CERT1: variants seen among roughly 807,000 people sequenced by gnomAD.
CERT1 encodes ceramide transporter 1.
CERT1 carries 31 observed loss-of-function variants against 87.9 expected under a neutral mutation model. The observed-to-expected ratio is 0.35, with a 90% CI of 0.27 to 0.48. CERT1 has a LOEUF of 0.48. Ranked by LOEUF, CERT1 falls within the 20% of genes least tolerant of loss-of-function variation. The pLI is 0.99. For synonymous variants in CERT1, 289 were observed against 250.9 expected (o/e 1.15, Z -1.44); for missense variants, 487 against 758.0 (o/e 0.64, Z 4.20).
At chr5:75,375,863 A>C (rs1157128264), downstream of CERT1, 2 of 151,718 alleles carry the variant, frequency 1.3e-5, no homozygotes. Context: ...AAAAAAAAAA[A>C]AGTTACGTTA....
chr5:75,396,345 T>A (rs773204714), intron 11 of CERT1, among the ~76,000 whole-genome samples: 8 of 152,238 alleles, frequency 5.3e-5, no homozygotes, highest in Non-Finnish European at 1.2e-4. Context: ...CTTAGTTTTT[T>A]AATTAATTAT....
chr5:75,397,352 T>C (rs938882844), intron 11 of CERT1, among the ~76,000 whole-genome samples: 1 of 152,354 alleles, frequency 6.6e-6, no homozygotes, highest in African/African-American at 2.4e-5. Context: ...TCAAGTTACA[T>C]ACATGAGTTT....
At chr5:75,441,786 C>A (rs1210061991) in intron 3 of CERT1, among the ~76,000 whole-genome samples, 1 of 152,028 alleles carries the variant, frequency 6.6e-6, no homozygotes, top group African/African-American at 2.4e-5. Context: ...ATGGATATAC[C>A]ACATTTTGCT....
intron 8 of CERT1, among the ~76,000 whole-genome samples, chr5:75,409,684 G>A (rs1010790544): frequency 1.3e-5 from 2 of 151,876 alleles, no homozygotes; most frequent in South Asian, 2.1e-4. Context: ...TCACAACCAC[G>A]CCCGGCTAAT....
chr5:75,431,503 G>A (rs1490325734), intron 3 of CERT1, among the ~76,000 whole-genome samples: 1 of 152,166 alleles, frequency 6.6e-6, no homozygotes, highest in Non-Finnish European at 1.5e-5. Flanking sequence ...GCTCTGTCAT[G>A]GCAGGAACTG....
At chr5:75,405,369 G>C (rs937434958) in intron 8 of CERT1, among the ~76,000 whole-genome samples, 1 of 152,076 alleles carries the variant, frequency 6.6e-6, no homozygotes, top group African/African-American at 2.4e-5. Flanking sequence ...TTCCATACTT[G>C]CTCTACCCAC....
intron 2 of CERT1, among the ~76,000 whole-genome samples, chr5:75,468,688 C>T (rs1434682262): frequency 6.6e-6 from 1 of 152,138 alleles, no homozygotes; most frequent in Non-Finnish European, 1.5e-5. Flanking sequence ...ACAACAGATT[C>T]TAGTCTATTG....
At chr5:75,385,590 T>G (rs1391264289) in intron 13 of CERT1, among the ~76,000 whole-genome samples, 3 of 152,248 alleles carry the variant, frequency 2.0e-5, no homozygotes, top group Non-Finnish European at 4.4e-5. Context: ...TCTTGGCTTC[T>G]CCACCATATA....
chr5:75,384,531 C>A lies in CERT1; in HGVS notation c.1488+111G>T, dbSNP rs935417192. On this transcript the variant is annotated intron_variant, in intron 14 of 16. Transcript: ENST00000643780. ...TTCATGAATCATTATTTAATAAAGT[C>A]TTTGGATTTTTGTGGCTTTTAATAA... 117 of 658,890 alleles carry A rather than the reference C, an allele frequency of 1.8e-4. No homozygotes were observed. The African/African-American group carries it at 2.1e-3, about 12-fold the overall frequency. The allele number at this position is 658,890 out of a possible 1,614,324, so 40.8% of individuals were successfully genotyped here. A position where few individuals can be genotyped will look rare whatever the true frequency, so the allele number is the denominator to read the frequency against.
intron 11 of CERT1, among the ~76,000 whole-genome samples, chr5:75,395,905 C>T (rs1456577574): frequency 1.3e-5 from 2 of 151,244 alleles, no homozygotes; most frequent in Admixed American, 6.6e-5. Context: ...ACAACAACAA[C>T]AACAAAAACA....
chr5:75,376,649 G>A (rs1454145516), downstream of CERT1: 1 of 152,234 alleles, frequency 6.6e-6, no homozygotes, highest in Non-Finnish European at 1.5e-5. Flanking sequence ...CACACTGAAT[G>A]CAGTGCACTT....
At chr5:75,478,011 TAAG>T (rs1285493824) in intron 2 of CERT1, among the ~76,000 whole-genome samples, 2 of 151,910 alleles carry the variant, frequency 1.3e-5, no homozygotes, top group African/African-American at 4.8e-5. Flanking sequence ...AAACTAGAAA[TAAG>T]AAGATTAGAA....
At chr5:75,474,183 C>G (rs1765850414) in intron 2 of CERT1, among the ~76,000 whole-genome samples, 1 of 152,130 alleles carries the variant, frequency 6.6e-6, no homozygotes, top group African/African-American at 2.4e-5. Context: ...TCTCTCTGAC[C>G]ACCAGTGCAT....
chr5:75,493,883 T>C (rs1766929647), intron 2 of CERT1, among the ~76,000 whole-genome samples: 2 of 152,164 alleles, frequency 1.3e-5, no homozygotes, highest in Admixed American at 1.3e-4. Context: ...TTTCTAGAAA[T>C]GTCTATAATT....
intron 2 of CERT1, among the ~76,000 whole-genome samples, chr5:75,466,946 C>T (rs1215323079): frequency 6.6e-6 from 1 of 152,152 alleles, no homozygotes; most frequent in African/African-American, 2.4e-5. Flanking sequence ...TTTCTGGTTC[C>T]AGGTGATCCT....
At chr5:75,455,189 T>A (rs987175378) in intron 3 of CERT1, among the ~76,000 whole-genome samples, 26 of 152,334 alleles carry the variant, frequency 1.7e-4, no homozygotes, top group African/African-American at 6.0e-4. Context: ...TGACTGCACA[T>A]TGCACAACCA....
At chr5:75,418,963 C>G (rs1355281610) in intron 6 of CERT1, among the ~76,000 whole-genome samples, 2 of 152,128 alleles carry the variant, frequency 1.3e-5, no homozygotes. Context: ...TCAATTGTAT[C>G]TCAATAAAGC....
At chr5:75,394,234 C>A (rs917048315) in intron 11 of CERT1, among the ~76,000 whole-genome samples, 4 of 152,034 alleles carry the variant, frequency 2.6e-5, no homozygotes, top group Non-Finnish European at 5.9e-5. Flanking sequence ...TAAAACTTGG[C>A]TGAGGCCTGT....
intron 7 of CERT1, among the ~76,000 whole-genome samples, chr5:75,415,035 TACACACAC>T (rs150043321): frequency 2.0e-5 from 3 of 149,286 alleles, no homozygotes; most frequent in African/African-American, 7.4e-5. Flanking sequence ...TGTGTATATA[TACACACAC>T]ACACACACAC....
Sources: allele counts gnomAD v4.1 joint callset (sites outside exome capture counted in the v4.1 genomes callset), GRCh38; gene constraint gnomAD v4.1.1; transcripts MANE v1.5; gene names NCBI Gene and HGNC (gene_info 2026-07-23, HGNC 2026-07-21).